Variants in FARS2 observed in about 807,000 individuals in gnomAD.
The protein encoded by FARS2 is phenylalanine--tRNA ligase, mitochondrial.
In FARS2, 40 loss-of-function variants were observed where a neutral mutation model predicts 46.4. That is an observed-to-expected ratio of 0.86 (90% confidence interval 0.67 to 1.12). The LOEUF (loss-of-function observed/expected upper bound fraction) is 1.12. Ranked by LOEUF, FARS2 falls within the 50% of genes most tolerant of loss-of-function variation. The pLI is 0.00. For synonymous variants in FARS2, 234 were observed against 214.9 expected (o/e 1.09, Z -0.78); for missense variants, 513 against 567.9 (o/e 0.90, Z 0.98).
intron 3 of FARS2, among the ~76,000 whole-genome samples, chr6:5,427,660 A>G (rs183919065): frequency 3.9e-5 from 6 of 152,148 alleles, no homozygotes; most frequent in Admixed American, 3.3e-4. Context: ...CGTGTTTATC[A>G]TCTTGGTGGA....
At chr6:5,307,047 A>C (rs1561946448) in intron 1 of FARS2, among the ~76,000 whole-genome samples, 1 of 152,134 alleles carries the variant, frequency 6.6e-6, no homozygotes, top group Non-Finnish European at 1.5e-5. Flanking sequence ...TTAATGCATA[A>C]TTTTTATGTA....
rs1226765237 is a variant in FARS2 at position 5,755,157 on chromosome 6, G to A, written c.1218-16134G>A. 4.6e-5 allele frequency among the ~76,000 whole-genome samples: 7 copies of A among 152,146 alleles called. No individual in the cohort carries two copies. In the East Asian group the frequency reaches 5.8e-4, roughly 13 times the overall value. On this transcript the variant is annotated intron_variant, in intron 6 of 6. Coordinates refer to ENST00000274680, the MANE Select transcript of FARS2 (RefSeq NM_006567.5). ...TGTCTAATCTGTCATTTAACTCTGC[G>A]ACTCATTTTTAAATTATATTTTTAT... is the stretch of plus-strand genomic sequence containing the variant.
chr6:5,599,899 T>G (rs1049860873), intron 5 of FARS2, among the ~76,000 whole-genome samples: 1 of 151,900 alleles, frequency 6.6e-6, no homozygotes, highest in African/African-American at 2.4e-5. Flanking sequence ...TTTTTTTTTT[T>G]GTGAAAAAGC....
At chr6:5,422,682 G>T (rs1582059880) in intron 3 of FARS2, among the ~76,000 whole-genome samples, 1 of 152,330 alleles carries the variant, frequency 6.6e-6, no homozygotes, top group Middle Eastern at 3.4e-3. Context: ...TCACATCAGC[G>T]TAAGCATGAA....
intron 6 of FARS2, among the ~76,000 whole-genome samples, chr6:5,652,536 T>C (rs1480142157): frequency 6.6e-6 from 1 of 152,228 alleles, no homozygotes; most frequent in Non-Finnish European, 1.5e-5. Flanking sequence ...CAGGCAGAAA[T>C]GAAGGCCCAG....
intron 6 of FARS2, among the ~76,000 whole-genome samples, chr6:5,700,545 G>T (rs572736913): frequency 1.3e-5 from 2 of 151,996 alleles, no homozygotes; most frequent in Non-Finnish European, 2.9e-5. Context: ...ATACAGGTGC[G>T]CACCACCATG....
chr6:5,652,631 G>C (rs1777423571), intron 6 of FARS2, among the ~76,000 whole-genome samples: 1 of 152,244 alleles, frequency 6.6e-6, no homozygotes. Context: ...CAACTTCCAG[G>C]GAAGGACAGA....
intron 1 of FARS2, among the ~76,000 whole-genome samples, chr6:5,354,364 G>A (rs1475830145): frequency 6.6e-6 from 1 of 151,890 alleles, no homozygotes; most frequent in Non-Finnish European, 1.5e-5. Context: ...AAATCAAAGG[G>A]GCAAAAATGA....
Position 5,368,650 on chromosome 6 carries a change from A to C in FARS2, c.80A>C (p.His27Pro), listed in dbSNP as rs537850422. 1 of 1,614,074 alleles carries C rather than the reference A, an allele frequency of 6.2e-7. No individual in the cohort carries two copies. The highest frequency in any genetic ancestry group is 1.3e-5 in the African/African-American group (1 of 74,924). Residue 27 changes from histidine (H) to proline (P), a missense_variant, in exon 2 of 7, where the codon CAT (histidine) becomes CCT (proline). His to Pro is a moderately conservative substitution (Grantham distance 77). Transcript: ENST00000274680. ...AAGGCCAGTCACATCTCCAGAGGCC[A>C]TCAGCACCAGGCCTGGGGATCGAGG... The part of the protein sequence containing the change: ...VSKASHISRG[H>P]QHQAWGSRPP...
chr6:5,476,803 A>G (rs1441416731), intron 4 of FARS2, among the ~76,000 whole-genome samples: 2 of 152,124 alleles, frequency 1.3e-5, no homozygotes, highest in East Asian at 1.9e-4. Context: ...CAGAGTGGAA[A>G]TGGGGAGAGG....
Position 5,765,725 on chromosome 6 carries a change from G to A in FARS2, c.1218-5566G>A, listed in dbSNP as rs1374888391. Among the ~76,000 whole-genome samples the A allele has an allele frequency of 1.3e-5, 2 of 152,172 alleles. No individual in the cohort carries two copies. The highest frequency in any genetic ancestry group is 3.9e-4 in the East Asian group (2 of 5,194). ...CCCTCCTGCTGTCATGGGCGTACTAGGGAACAGTCCTTTGCTCAGCCGGCT... is the reference window on the plus strand; with the variant it reads ...CCCTCCTGCTGTCATGGGCGTACTAAGGAACAGTCCTTTGCTCAGCCGGCT... On this transcript the variant is annotated intron_variant, in intron 6 of 6. Coordinates refer to ENST00000274680, the MANE Select transcript of FARS2 (RefSeq NM_006567.5). The surrounding 1 kb of genome is among the most constrained non-coding windows in gnomAD (Gnocchi z 4.0).
intron 1 of FARS2, among the ~76,000 whole-genome samples, chr6:5,356,295 A>G (rs1425743890): frequency 6.6e-6 from 1 of 152,168 alleles, no homozygotes; most frequent in Non-Finnish European, 1.5e-5. Flanking sequence ...CTAAGGATGC[A>G]AAAAATCAGC....
chr6:5,702,022 T>C (rs963464694), intron 6 of FARS2, among the ~76,000 whole-genome samples: 1 of 152,232 alleles, frequency 6.6e-6, no homozygotes, highest in Non-Finnish European at 1.5e-5. Context: ...CAAATTTATG[T>C]TGGCTATTTT....
chr6:5,514,456 T>C (rs759650431), intron 4 of FARS2, among the ~76,000 whole-genome samples: 5 of 152,212 alleles, frequency 3.3e-5, no homozygotes, highest in Non-Finnish European at 7.3e-5. Context: ...TAAACATTCA[T>C]GAAAATCTGT....
chr6:5,317,780 CA>C lies in FARS2; in HGVS notation c.-21-50758del, dbSNP rs767858271. Reference sequence around the variant, plus strand: ...GTGCAATAAAGCAAAGACCCTATCTCAAAAAAAAAAAAGGAAAAATTAATAC... The same window carrying C: ...GTGCAATAAAGCAAAGACCCTATCTCAAAAAAAAAAAGGAAAAATTAATAC... On this transcript the variant is annotated intron_variant, in intron 1 of 6. Transcript: ENST00000274680. 9.0e-3 allele frequency among the ~76,000 whole-genome samples: 1,242 copies of C among 138,624 alleles called. 2 individuals are homozygous for C. The highest frequency in any genetic ancestry group is 0.017 in the South Asian group (72 of 4,320). 90.9% of individuals were successfully genotyped at this position (138,624 alleles called of 152,430 possible).
chr6:5,388,983 T>A (rs1231688314), intron 2 of FARS2, among the ~76,000 whole-genome samples: 1 of 151,988 alleles, frequency 6.6e-6, no homozygotes, highest in East Asian at 1.9e-4. Flanking sequence ...CCCCTTTGGG[T>A]TTTCAGTTCT....
intron 6 of FARS2, 45 bp from the exon 7 acceptor site, chr6:5,771,246 G>A (rs566040784): frequency 6.2e-7 from 1 of 1,612,064 alleles, no homozygotes; most frequent in South Asian, 1.1e-5. Flanking sequence ...TTCAGGCACA[G>A]CCTTGTTCAT....
chr6:5,765,864 A>G lies in FARS2; in HGVS notation c.1218-5427A>G, dbSNP rs118025707. Among the ~76,000 whole-genome samples the G allele has an allele frequency of 7.9e-5, 12 of 152,264 alleles. 1 individual carries two copies. The East Asian group carries it at 2.3e-3, about 29-fold the overall frequency. On this transcript the variant is annotated intron_variant, in intron 6 of 6. Transcript: ENST00000274680. The surrounding 1 kb of genome is among the most constrained non-coding windows in gnomAD (Gnocchi z 4.0). ...CTGTGTCCAACTCAGTGACTGAAAC[A>G]TGCTGTTTGTTGAATAACTAAAGGA...
chr6:5,667,265 A>G (rs945734658), intron 6 of FARS2, among the ~76,000 whole-genome samples: 3 of 152,226 alleles, frequency 2.0e-5, no homozygotes, highest in African/African-American at 7.2e-5. Context: ...CACGCCTGTA[A>G]TCCCAGCCCT....
Sources: allele counts gnomAD v4.1 joint callset (sites outside exome capture counted in the v4.1 genomes callset), GRCh38; gene constraint gnomAD v4.1.1; non-coding constraint Gnocchi (gnomAD v3.1); transcripts MANE v1.5; gene names NCBI Gene and HGNC (gene_info 2026-07-23, HGNC 2026-07-21).